Variants in RFX7 observed in about 807,000 individuals in gnomAD.
The protein encoded by RFX7 is DNA-binding protein RFX7.
RFX7 carries 26 observed loss-of-function variants against 111.8 expected under a neutral mutation model. The ratio of observed to expected loss-of-function variants is 0.23; its 90% confidence interval spans 0.17 to 0.32. The LOEUF (loss-of-function observed/expected upper bound fraction) is 0.32, where lower values mean the gene tolerates loss of function less well. RFX7 is among the 10% of genes least tolerant of loss of function. The probability of loss-of-function intolerance (pLI) is 1.00; values close to 1 mark genes in which losing one functional copy is unlikely to be tolerated. For synonymous variants in RFX7, 624 were observed against 624.4 expected (o/e 1.00, Z 0.01); for missense variants, 1,573 against 1,772.9 (o/e 0.89, Z 2.02).
chr15:56,182,619 ATTT>A (rs2042986523), intron 2 of RFX7, among the ~76,000 whole-genome samples: 1 of 152,146 alleles, frequency 6.6e-6, no homozygotes, highest in Non-Finnish European at 1.5e-5. Flanking sequence ...CTTTTCTACA[ATTT>A]TTTAATTCAA....
rs533113214 is a variant in RFX7, at chr15:56,177,925, G to A, written c.195+1345C>T. ...CAGTCACCACTTTTCTAGGTCTTAA[G>A]AGTAGTCTTGAATATATCTCTCTAT... On this transcript the variant is annotated intron_variant, in intron 3 of 9. Transcript: ENST00000559447. Among the ~76,000 whole-genome samples, 8 of 152,234 alleles carry A rather than the reference G, an allele frequency of 5.3e-5. No homozygotes were observed. The South Asian group carries it at 1.7e-3, about 32-fold the overall frequency.
chr15:56,190,159 A>T (rs1368735067), intron 2 of RFX7, among the ~76,000 whole-genome samples: 1 of 152,224 alleles, frequency 6.6e-6, no homozygotes, highest in Non-Finnish European at 1.5e-5. Context: ...TAAAGGAAAA[A>T]TTAGAAAAAG....
At position 56,094,207 on chromosome 15, in the gene RFX7, T is replaced by C; in HGVS notation, c.3521A>G (p.Gln1174Arg). Residue 1174 changes from glutamine to arginine, a missense_variant, in exon 10 of 10, where the codon CAA (glutamine) becomes CGA (arginine). Coordinates refer to ENST00000559447, the MANE Select transcript of RFX7 (RefSeq NM_022841.7). Reference protein sequence around the residue: ...CRSVSPAVHRQRNLSGSTLYP... With the variant: ...CRSVSPAVHRRRNLSGSTLYP... ...GAGGGTGCTTCCACTAAGATTACGTTGGCGATGAACAGCAGGGCTCACACT... is the reference window on the plus strand; with the variant it reads ...GAGGGTGCTTCCACTAAGATTACGTCGGCGATGAACAGCAGGGCTCACACT... 6.2e-7 allele frequency: 1 copy of C among 1,613,944 alleles called. No homozygotes were observed. Among genetic ancestry groups the C allele is most frequent in the South Asian group, 1.1e-5 (1 of 91,080 alleles).
intron 2 of RFX7, among the ~76,000 whole-genome samples, chr15:56,226,740 T>C (rs921377499): frequency 2.0e-5 from 3 of 152,180 alleles, no homozygotes; most frequent in Admixed American, 6.5e-5. Flanking sequence ...CTGATGTAAA[T>C]TACCCACTAC....
intron 2 of RFX7, among the ~76,000 whole-genome samples, chr15:56,188,748 C>G (rs567422072): frequency 6.6e-6 from 1 of 152,258 alleles, no homozygotes; most frequent in Non-Finnish European, 1.5e-5. Context: ...TGAGCTGAAG[C>G]TTAAAGTGTC....
At chr15:56,134,984 T>C (rs1422861909) in intron 5 of RFX7, among the ~76,000 whole-genome samples, 3 of 152,218 alleles carry the variant, frequency 2.0e-5, no homozygotes, top group Non-Finnish European at 4.4e-5. Flanking sequence ...ATGGTGTATA[T>C]GTGCCACATT....
Position 56,095,185 on chromosome 15 carries a change from T to C in RFX7, c.2543A>G (p.Gln848Arg). Residue 848 changes from glutamine (Q) to arginine (R), a missense_variant, in exon 10 of 10, where the codon CAA (glutamine) becomes CGA (arginine). This residue lies in a region of RFX7 where 625 missense variants were observed against 632.2 expected (regional missense o/e 0.99). Transcript: ENST00000559447. ...QIQESSLNQI[Q>R]AHSSDQLPLQ... ...AGGTAACTGATCTGAAGAATGTGCT[T>C]GTATTTGATTTAAAGAAGATTCCTG... 6.2e-7 allele frequency: 1 copy of C among 1,613,904 alleles called. No individual in the cohort carries two copies. The highest frequency in any genetic ancestry group is 1.7e-5 in the Admixed American group (1 of 60,002).
intron 5 of RFX7, among the ~76,000 whole-genome samples, chr15:56,113,992 C>T (rs2041972578): frequency 6.6e-6 from 1 of 152,160 alleles, no homozygotes; most frequent in African/African-American, 2.4e-5. Context: ...ATCTAATTAG[C>T]TTGAGCCTTA....
chr15:56,224,422 TTTTGGTG>T (rs2043458840), intron 2 of RFX7, among the ~76,000 whole-genome samples: 1 of 151,768 alleles, frequency 6.6e-6, no homozygotes, highest in Non-Finnish European at 1.5e-5. Flanking sequence ...AAGCAACATT[TTTTGGTG>T]TATTTTTCTT....
At chr15:56,120,702 A>C (rs1474038913) in intron 5 of RFX7, among the ~76,000 whole-genome samples, 1 of 152,038 alleles carries the variant, frequency 6.6e-6, no homozygotes, top group Non-Finnish European at 1.5e-5. Flanking sequence ...TCATGAAGAG[A>C]TGTTGAATTT....
intron 5 of RFX7, among the ~76,000 whole-genome samples, chr15:56,114,625 G>A (rs1215065642): frequency 4.0e-5 from 6 of 151,062 alleles, no homozygotes; most frequent in African/African-American, 1.2e-4. Context: ...GCTTTTTTTT[G>A]TGGTAACTAC....
At chr15:56,210,534 C>G (rs2043302809) in intron 2 of RFX7, among the ~76,000 whole-genome samples, 1 of 152,032 alleles carries the variant, frequency 6.6e-6, no homozygotes, top group African/African-American at 2.4e-5. Flanking sequence ...ATGGAACATT[C>G]ACCAAGACAG....
In RFX7 at chr15:56,089,108, C is replaced by A. The variant is rs1393848820; in HGVS notation, c.*4237G>T. On this transcript the variant is annotated 3_prime_UTR_variant, in exon 10 of 10. Transcript: ENST00000559447. ...CCAGGAAATGGGCCCCCCCTCCTACCTATAAAGCATTAATTAAGGATCTAA... is the reference window on the plus strand; with the variant it reads ...CCAGGAAATGGGCCCCCCCTCCTACATATAAAGCATTAATTAAGGATCTAA... 2.0e-5 allele frequency: 3 copies of A among 152,224 alleles called. No individual in the cohort carries two copies. The highest frequency in any genetic ancestry group is 4.4e-5 in the Non-Finnish European group (3 of 68,066). 9.4% of individuals were successfully genotyped at this position (152,224 alleles called of 1,614,324 possible).
At chr15:56,209,976 C>A (rs2043294840) in intron 2 of RFX7, among the ~76,000 whole-genome samples, 2 of 151,926 alleles carry the variant, frequency 1.3e-5, no homozygotes, top group African/African-American at 4.8e-5. Context: ...ATTAATCCAA[C>A]TATATAAATA....
chr15:56,109,053 G>GCCTCTC (rs1393493658), intron 5 of RFX7, among the ~76,000 whole-genome samples: 3 of 150,774 alleles, frequency 2.0e-5, no homozygotes, highest in Admixed American at 1.3e-4. Context: ...CACTCCCTCT[G>GCCTCTC]CCTCTCCCTC....
intron 5 of RFX7, among the ~76,000 whole-genome samples, chr15:56,123,943 C>G (rs1428011518): frequency 6.6e-6 from 1 of 152,192 alleles, no homozygotes; most frequent in African/African-American, 2.4e-5. Flanking sequence ...GTCAGCAATT[C>G]AAGACTTTTT....
chr15:56,179,099 A>G (rs1395752928), intron 3 of RFX7, 171 bp downstream of exon 3: 1 of 265,748 alleles, frequency 3.8e-6, no homozygotes, highest in Non-Finnish European at 7.6e-6. Context: ...ACAGGTAAGT[A>G]TCTAGGTAGC....
chr15:56,138,603 T>C (rs1281281126), intron 5 of RFX7, among the ~76,000 whole-genome samples: 5 of 152,070 alleles, frequency 3.3e-5, no homozygotes, highest in Non-Finnish European at 5.9e-5. Context: ...TTGGAGCATT[T>C]AGCCCATTTA....
chr15:56,180,750 C>CAAAAAAAAA (rs869160446), intron 2 of RFX7, among the ~76,000 whole-genome samples: 10 of 65,518 alleles, frequency 1.5e-4, no homozygotes, highest in African/African-American at 3.6e-4. Flanking sequence ...TACTAAAATA[C>CAAAAAAAAA]AAAAAAAAAA....
Sources: allele counts gnomAD v4.1 joint callset (sites outside exome capture counted in the v4.1 genomes callset), GRCh38; gene constraint gnomAD v4.1.1; regional missense constraint gnomAD v4.1.1; transcripts MANE v1.5; gene names NCBI Gene and HGNC (gene_info 2026-07-23, HGNC 2026-07-21).